Variants in STRN4 observed in about 807,000 individuals in gnomAD.
STRN4 encodes the protein striatin-4.
STRN4 carries 27 observed loss-of-function variants against 77.9 expected under a neutral mutation model. The observed-to-expected ratio is 0.35, with a 90% CI of 0.26 to 0.48. The LOEUF (loss-of-function observed/expected upper bound fraction) is 0.48, where lower values mean the gene tolerates loss of function less well. STRN4 is among the 20% of genes least tolerant of loss of function. The pLI is 0.99. For missense variants in STRN4, 798 were observed against 1,049.7 expected (o/e 0.76, Z 3.31); for synonymous variants, 466 against 443.1 (o/e 1.05, Z -0.65).
intron 3 of STRN4, among the ~76,000 whole-genome samples, chr19:46,737,443 G>T (rs957066223): frequency 2.0e-5 from 3 of 152,186 alleles, no homozygotes; most frequent in African/African-American, 7.2e-5. Flanking sequence ...TTCCGTTCTA[G>T]TGAGAGGAGC....
intron 6 of STRN4, 166 bp from the exon 7 acceptor site, chr19:46,728,943 C>G: frequency 1.1e-6 from 1 of 944,090 alleles, no homozygotes; most frequent in African/African-American, 1.7e-5. Context: ...GGGCCTTGGA[C>G]AGCTGCTACC....
chr19:46,742,119 G>C (rs900481223), intron 1 of STRN4, among the ~76,000 whole-genome samples: 1 of 152,142 alleles, frequency 6.6e-6, no homozygotes, highest in Non-Finnish European at 1.5e-5. Context: ...ACAGCTCTGC[G>C]GTCCCCTGCA....
chr19:46,728,618 C>T lies in STRN4; in HGVS notation c.1039G>A (p.Glu347Lys). ...CTVDGSPHELESRRVKLQGIL... is the reference protein window; with the variant it reads ...CTVDGSPHELKSRRVKLQGIL... ...GGCTGGCCAGAAAACGTCAGCTCACCCAGCTCATGGGGGCTCCCATCCACA... is the reference window on the plus strand; with the variant it reads ...GGCTGGCCAGAAAACGTCAGCTCACTCAGCTCATGGGGGCTCCCATCCACA... Residue 347 changes from glutamate to lysine, a missense_variant and splice_region_variant, in exon 7 of 18, where the codon GAA (glutamate) becomes AAA (lysine). Physicochemically the swap from Glu to Lys is moderately conservative, Grantham distance 56 (BLOSUM62 1). Transcript: ENST00000263280. The T allele has an allele frequency of 1.2e-6, 2 of 1,611,700 alleles. No individual in the cohort carries two copies. The highest frequency in any genetic ancestry group is 1.1e-5 in the South Asian group (1 of 91,036).
chr19:46,746,159 G>T lies in STRN4; in HGVS notation c.272C>A (p.Ala91Asp). ...AEKARWEAER[A>D]ELQAQVAFLQ... ...CGGGACAGCGCTCACCTGTAACTCGGCGCGCTCGGCCTCCCAGCGGGCTTT... is the reference window on the plus strand; with the variant it reads ...CGGGACAGCGCTCACCTGTAACTCGTCGCGCTCGGCCTCCCAGCGGGCTTT... The change falls in exon 1 of 18, where the codon GCC becomes GAC. Residue 91 changes from alanine (A) to aspartate (D), a missense_variant. Coordinates refer to ENST00000263280, the MANE Select transcript of STRN4 (RefSeq NM_013403.3). The T allele has an allele frequency of 1.3e-6, 2 of 1,526,070 alleles. No individual in the cohort carries two copies. The highest frequency in any genetic ancestry group is 1.7e-6 in the Non-Finnish European group (2 of 1,143,874). The allele number at this position is 1,526,070 out of a possible 1,614,324, so 94.5% of individuals were successfully genotyped here. A position where few individuals can be genotyped will look rare whatever the true frequency, so the allele number is the denominator to read the frequency against.
chr19:46,730,701 A>G (rs753372325), intron 6 of STRN4, 31 bp downstream of exon 6: 16 of 1,608,454 alleles, frequency 9.9e-6, no homozygotes, highest in Middle Eastern at 2.1e-4. Flanking sequence ...CACCCAGGCC[A>G]GGCTGTGCAG....
In STRN4 at chr19:46,733,265, G is replaced by T; in HGVS notation, c.540-29C>A. ...CAGGGGTGCAGAGCCACGTGGGTCAGACATCCCCTGGGCTTCTTCATGTAC... is the reference window on the plus strand; with the variant it reads ...CAGGGGTGCAGAGCCACGTGGGTCATACATCCCCTGGGCTTCTTCATGTAC... On this transcript the variant is annotated intron_variant, in intron 4 of 17. Transcript: ENST00000263280. This position sits in a 1 kb window ranked among gnomAD's most constrained non-coding sequence, Gnocchi z 4.3. 1.3e-6 allele frequency: 2 copies of T among 1,598,684 alleles called. No homozygotes were observed. The highest frequency in any genetic ancestry group is 1.1e-5 in the South Asian group (1 of 90,220).
Position 46,732,918 on chromosome 19 carries a change from G to A in STRN4, c.737+121C>T, listed in dbSNP as rs142500320. 1.8e-4 allele frequency: 221 copies of A among 1,200,028 alleles called. 1 individual carries two copies. The African/African-American group carries it at 2.5e-3, about 14-fold the overall frequency. The allele number at this position is 1,200,028 out of a possible 1,614,324, so 74.3% of individuals were successfully genotyped here. On this transcript the variant is annotated intron_variant, in intron 5 of 17. Coordinates refer to ENST00000263280, the MANE Select transcript of STRN4 (RefSeq NM_013403.3). ...AGGGTTTCAGAACAAGGGAGCCCAC[G>A]GCATACTCCAGGAGGAGGGGCCGCC...
chr19:46,724,956 G>GGA (rs761455744), intron 11 of STRN4, 28 bp from the exon 12 acceptor site: 1 of 1,613,432 alleles, frequency 6.2e-7, no homozygotes, highest in East Asian at 2.2e-5. Context: ...GTGGAAAGGG[G>GGA]GATGAGACAA....
At position 46,725,603 on chromosome 19, in the gene STRN4, A is replaced by C; in HGVS notation, c.1294T>G (p.Phe432Val). Reference sequence around the variant, plus strand: ...CCGTCGTAGTGCGAGCGCAGGGTGAACTTGGGGTTCCACGTCTTCTTAAAA... The same window carrying C: ...CCGTCGTAGTGCGAGCGCAGGGTGACCTTGGGGTTCCACGTCTTCTTAAAA... ...DAFKKTWNPK[F>V]TLRSHYDGIR... The change falls in exon 10 of 18, where the codon TTC becomes GTC. Residue 432 changes from phenylalanine (F) to valine (V), a missense_variant. Phe to Val is a conservative substitution (Grantham distance 50). Coordinates refer to ENST00000263280, the MANE Select transcript of STRN4 (RefSeq NM_013403.3). 3 of 1,614,134 alleles carry C rather than the reference A, an allele frequency of 1.9e-6. No homozygotes were observed. Among genetic ancestry groups the C allele is most frequent in the Non-Finnish European group, 2.5e-6 (3 of 1,179,992 alleles).
intron 4 of STRN4, among the ~76,000 whole-genome samples, chr19:46,734,670 T>C (rs544562192): frequency 6.6e-6 from 1 of 152,270 alleles, no homozygotes; most frequent in South Asian, 2.1e-4. Context: ...CGTAACTCTT[T>C]TTTGTTGTTG....
chr19:46,727,362 G>T, intron 9 of STRN4, 90 bp downstream of exon 9: 2 of 1,101,324 alleles, frequency 1.8e-6, no homozygotes, highest in Non-Finnish European at 2.7e-6. Context: ...GGATGAGCAG[G>T]GCACGGGCGG....
At chr19:46,720,906 A>G in intron 16 of STRN4, 135 bp from the exon 17 acceptor site, 1 of 1,076,258 alleles carries the variant, frequency 9.3e-7, no homozygotes, top group Non-Finnish European at 1.3e-6. Flanking sequence ...CCCTCTGCTC[A>G]TCACCTCCTG....
chr19:46,728,891 C>G, intron 6 of STRN4, 114 bp from the exon 7 acceptor site: 1 of 1,450,054 alleles, frequency 6.9e-7, no homozygotes, highest in African/African-American at 1.4e-5. Context: ...GTTCATGGGG[C>G]TGCCTCAGCC....
intron 4 of STRN4, among the ~76,000 whole-genome samples, chr19:46,735,259 T>C (rs1220103307): frequency 6.6e-6 from 1 of 152,036 alleles, no homozygotes; most frequent in African/African-American, 2.4e-5. Flanking sequence ...TGAGCCGAGA[T>C]TATGCCACTG....
intron 3 of STRN4, among the ~76,000 whole-genome samples, chr19:46,737,467 T>C (rs2054389970): frequency 6.6e-6 from 1 of 152,144 alleles, no homozygotes. Flanking sequence ...CAGCAGGTAA[T>C]GACCATCACT....
rs1240666069 is a variant in STRN4 at position 46,722,229 on chromosome 19, G to A, written c.2005+13C>T. 1 of 1,613,918 alleles carries A rather than the reference G, an allele frequency of 6.2e-7. No individual in the cohort carries two copies. Among genetic ancestry groups the A allele is most frequent in the Admixed American group, 1.7e-5 (1 of 60,006 alleles). ...CTCCCCACCCACTACGAGCACAAGG[G>A]GCTAGGCCTCACCTGTCCGATTGTC... is the stretch of plus-strand genomic sequence containing the variant. On this transcript the variant is annotated intron_variant, in intron 15 of 17. Coordinates refer to ENST00000263280, the MANE Select transcript of STRN4 (RefSeq NM_013403.3).
intron 12 of STRN4, among the ~76,000 whole-genome samples, chr19:46,724,367 C>T (rs1480244135): frequency 6.6e-6 from 1 of 151,908 alleles, no homozygotes; most frequent in Non-Finnish European, 1.5e-5. Context: ...AAAGCCCCAA[C>T]GCGCTCCAGC....
chr19:46,728,558 C>A, intron 7 of STRN4, 60 bp downstream of exon 7: 1 of 1,574,492 alleles, frequency 6.4e-7, no homozygotes, highest in Non-Finnish European at 8.6e-7. Context: ...GCAGCTGAGC[C>A]TGCTCCCACC....
Position 46,733,454 on chromosome 19 carries a change from G to A in STRN4, c.540-218C>T. On this transcript the variant is annotated intron_variant, in intron 4 of 17. Coordinates refer to ENST00000263280, the MANE Select transcript of STRN4 (RefSeq NM_013403.3). The surrounding 1 kb of genome is among the most constrained non-coding windows in gnomAD (Gnocchi z 4.3). Reference sequence around the variant, plus strand: ...AATGCTATGTGTGAGGGTGCTCCCTGCACTGCTGTATGGGGAAGCCGAAGC... The same window carrying A: ...AATGCTATGTGTGAGGGTGCTCCCTACACTGCTGTATGGGGAAGCCGAAGC... 8.9e-6 allele frequency: 5 copies of A among 563,598 alleles called. No homozygotes were observed. In the East Asian group the frequency reaches 1.5e-4, roughly 17 times the overall value. 34.9% of individuals were successfully genotyped at this position (563,598 alleles called of 1,614,324 possible). A position where few individuals can be genotyped will look rare whatever the true frequency, so the allele number is the denominator to read the frequency against.
Sources: gnomAD v4.1 joint callset for allele counts (sites outside exome capture counted in the v4.1 genomes callset) on GRCh38, gnomAD v4.1.1 for gene constraint, Gnocchi (gnomAD v3.1) non-coding constraint, MANE v1.5 for transcripts, NCBI Gene and HGNC (gene_info 2026-07-23, HGNC 2026-07-21) for gene names.